The following SLC12A8 variants were observed in gnomAD, a reference collection of about 807,000 sequenced individuals.
The protein encoded by SLC12A8 is solute carrier family 12 member 8.
Under a neutral mutation model 75.6 loss-of-function variants are expected in SLC12A8, and 69 were observed. The observed-to-expected ratio is 0.91, with a 90% confidence interval of 0.75 to 1.11. The LOEUF is 1.11. Among genes scored for constraint, SLC12A8 ranks in the 50% most tolerant of loss-of-function variants. The pLI is 0.00. For missense variants in SLC12A8, 877 were observed against 896.7 expected (o/e 0.98, Z 0.28); for synonymous variants, 365 against 372.8 (o/e 0.98, Z 0.24).
intron 5 of SLC12A8, among the ~76,000 whole-genome samples, chr3:125,141,971 C>T (rs1243477962): frequency 6.6e-6 from 1 of 152,088 alleles, no homozygotes; most frequent in East Asian, 1.9e-4. Flanking sequence ...CGAAGGGCGT[C>T]GGGGGAAGTG....
chr3:125,089,712 G>A (rs1389950096), intron 12 of SLC12A8, among the ~76,000 whole-genome samples: 6 of 18,574 alleles, frequency 3.2e-4, no homozygotes, highest in South Asian at 3.4e-3. Flanking sequence ...TTTGTGAGTC[G>A]GAGTCTCACT....
intron 5 of SLC12A8, among the ~76,000 whole-genome samples, chr3:125,175,290 C>G (rs1934495895): frequency 6.6e-6 from 1 of 152,048 alleles, no homozygotes; most frequent in African/African-American, 2.4e-5. Flanking sequence ...GTTGAAATCA[C>G]TCTGTTAAAT....
rs1051133141 is a variant in SLC12A8, at chr3:125,119,694, G to C, written c.825-838C>G. ...TTATTGCACAAAATACCCTGATGCT[G>C]TACGCCAGGCTGATAGCAATGGTTT... On this transcript the variant is annotated intron_variant, in intron 7 of 13. Coordinates refer to ENST00000469902, the MANE Select transcript of SLC12A8 (RefSeq NM_024628.6). 3.3e-5 allele frequency among the ~76,000 whole-genome samples: 5 copies of C among 152,348 alleles called. No individual in the cohort carries two copies. In the East Asian group the frequency reaches 9.6e-4, roughly 29 times the overall value.
At chr3:125,169,418 G>C (rs1158480316) in intron 5 of SLC12A8, among the ~76,000 whole-genome samples, 1 of 152,162 alleles carries the variant, frequency 6.6e-6, no homozygotes. Flanking sequence ...AAGAAGTCAG[G>C]AGGTGAGGAA....
chr3:125,170,003 A>G (rs1389563870), intron 5 of SLC12A8, among the ~76,000 whole-genome samples: 2 of 26,308 alleles, frequency 7.6e-5, no homozygotes, highest in Non-Finnish European at 1.4e-4. Context: ...AAGATTATAG[A>G]CAATTCAAAG....
chr3:125,105,808 T>G (rs545389744), intron 10 of SLC12A8, among the ~76,000 whole-genome samples: 1 of 152,132 alleles, frequency 6.6e-6, no homozygotes, highest in South Asian at 2.1e-4. Context: ...GGTGGGTAGA[T>G]CACTTGAGGT....
At chr3:125,122,472 G>C (rs1319563011) in intron 6 of SLC12A8, among the ~76,000 whole-genome samples, 2 of 152,156 alleles carry the variant, frequency 1.3e-5, no homozygotes, top group African/African-American at 2.4e-5. Context: ...CATAAGCAAA[G>C]AGAAGTTGGG....
intron 10 of SLC12A8, 56 bp downstream of exon 10, chr3:125,107,425 G>T (rs1939054949): frequency 2.0e-6 from 3 of 1,478,434 alleles, no homozygotes; most frequent in Non-Finnish European, 2.8e-6. Context: ...GGGTAGGTAG[G>T]ATAATCAGTG....
At chr3:125,158,867 G>A (rs1040187316) in intron 5 of SLC12A8, among the ~76,000 whole-genome samples, 2 of 152,120 alleles carry the variant, frequency 1.3e-5, no homozygotes, top group African/African-American at 4.8e-5. Context: ...AACCCACCAA[G>A]AGAAAATACC....
At chr3:125,162,234 C>T (rs779505774) in intron 5 of SLC12A8, among the ~76,000 whole-genome samples, 1 of 152,214 alleles carries the variant, frequency 6.6e-6, no homozygotes, top group African/African-American at 2.4e-5. Context: ...ATCCTTAATT[C>T]ATTCACTTAG....
intron 8 of SLC12A8, among the ~76,000 whole-genome samples, chr3:125,112,338 T>C (rs79627081): frequency 0.023 from 3,527 of 152,306 alleles, 119 homozygotes; most frequent in South Asian, 0.096. Context: ...CCACTCACCA[T>C]TTTATTACTA....
At position 125,120,658 on chromosome 3, in the gene SLC12A8, G is replaced by A. The variant is rs1450037666; in HGVS notation, c.765C>T (p.Gly255=). ...TGCTGGCGGCAGGCTCCCTGAGGTCGCCCCCCATGTTGAAGCCGGCCATGA... is the reference window on the plus strand; with the variant it reads ...TGCTGGCGGCAGGCTCCCTGAGGTCACCCCCCATGTTGAAGCCGGCCATGA... ...TGVMAGFNMG[G]DLREPAASIP... The change falls in exon 7 of 14, where the codon GGC becomes GGT. Residue 255 remains glycine, a synonymous_variant. Coordinates refer to ENST00000469902, the MANE Select transcript of SLC12A8 (RefSeq NM_024628.6). 3.1e-6 allele frequency: 5 copies of A among 1,613,296 alleles called. No homozygotes were observed. Among genetic ancestry groups the A allele is most frequent in the Middle Eastern group, 1.6e-4 (1 of 6,082 alleles).
At chr3:125,175,283 G>T (rs1934495652) in intron 5 of SLC12A8, among the ~76,000 whole-genome samples, 1 of 151,950 alleles carries the variant, frequency 6.6e-6, no homozygotes, top group African/African-American at 2.4e-5. Context: ...TTTAAGAGTT[G>T]AAATCACTCT....
rs148768896 is a variant in SLC12A8, at chr3:125,176,050, G to A, written c.622+1693C>T. Reference sequence around the variant, plus strand: ...AAGGCCAGATCAGTGGATGCCAACCGAATGCTGACCTTCCCACAACCAACA... The same window carrying A: ...AAGGCCAGATCAGTGGATGCCAACCAAATGCTGACCTTCCCACAACCAACA... On this transcript the variant is annotated intron_variant, in intron 5 of 13. Transcript: ENST00000469902. 1.8e-3 allele frequency among the ~76,000 whole-genome samples: 260 copies of A among 148,212 alleles called. 3 individuals carry two copies. The highest frequency in any genetic ancestry group is 5.5e-3 in the African/African-American group (230 of 41,448).
intron 5 of SLC12A8, among the ~76,000 whole-genome samples, chr3:125,150,950 G>C (rs1169841445): frequency 6.6e-6 from 1 of 152,012 alleles, no homozygotes; most frequent in African/African-American, 2.4e-5. Context: ...CCGGGCCTCA[G>C]GCTATTAGGA....
intron 4 of SLC12A8, 114 bp downstream of exon 4, chr3:125,187,123 G>A: frequency 9.6e-7 from 1 of 1,046,842 alleles, no homozygotes; most frequent in South Asian, 1.5e-5. Flanking sequence ...CTGCTCGTCT[G>A]TCACATGCGG....
chr3:125,192,983 A>G (rs931833768), intron 2 of SLC12A8, among the ~76,000 whole-genome samples: 3 of 152,224 alleles, frequency 2.0e-5, no homozygotes, highest in African/African-American at 7.2e-5. Context: ...GGGGAAGAGG[A>G]TGAGATGGAA....
chr3:125,113,128 C>A (rs908185460), intron 8 of SLC12A8, among the ~76,000 whole-genome samples: 2 of 152,186 alleles, frequency 1.3e-5, no homozygotes, highest in African/African-American at 4.8e-5. Flanking sequence ...TAGTGTTGGA[C>A]TGACCTCAGG....
intron 13 of SLC12A8, among the ~76,000 whole-genome samples, chr3:125,085,722 G>T (rs1938441194): frequency 6.6e-6 from 1 of 151,396 alleles, no homozygotes; most frequent in South Asian, 2.1e-4. Context: ...GATTACAGGT[G>T]TGCACCACCA....
Sources: gnomAD v4.1 joint callset for allele counts (sites outside exome capture counted in the v4.1 genomes callset) on GRCh38, gnomAD v4.1.1 for gene constraint, MANE v1.5 for transcripts, NCBI Gene and HGNC (gene_info 2026-07-23, HGNC 2026-07-21) for gene names.